The following SAMSN1 variants were observed in gnomAD, a reference collection of about 807,000 sequenced individuals.
The protein encoded by SAMSN1 is SAM domain-containing protein SAMSN-1.
Under a neutral mutation model 42.0 loss-of-function variants are expected in SAMSN1, and 31 were observed. That is an observed-to-expected ratio of 0.74 (90% CI 0.55 to 1.00). The LOEUF (loss-of-function observed/expected upper bound fraction) is 1.00. Among genes scored for constraint, SAMSN1 ranks in the 50% least tolerant of loss-of-function variants. The pLI, the probability that SAMSN1 is intolerant of heterozygous loss-of-function variation, is 0.00. For missense variants in SAMSN1, 464 were observed against 439.4 expected (o/e 1.06, Z -0.50); for synonymous variants, 178 against 151.9 (o/e 1.17, Z -1.26).
At chr21:14,515,278 A>C (rs913290974) in intron 3 of SAMSN1, among the ~76,000 whole-genome samples, 7 of 152,224 alleles carry the variant, frequency 4.6e-5, no homozygotes, top group Admixed American at 4.6e-4. Context: ...AGACATAAAA[A>C]TCAATAAAGT....
At chr21:14,655,477 C>T (rs1983901288) in intron 1 of SAMSN1, among the ~76,000 whole-genome samples, 1 of 151,718 alleles carries the variant, frequency 6.6e-6, no homozygotes, top group Non-Finnish European at 1.5e-5. Context: ...ACCTATAAAA[C>T]TACATTAAGA....
intron 1 of SAMSN1, among the ~76,000 whole-genome samples, chr21:14,525,821 T>C (rs73161217): frequency 0.037 from 5,567 of 152,256 alleles, 293 homozygotes; most frequent in African/African-American, 0.12. Flanking sequence ...TTCTATATAA[T>C]AGCTAAAATT....
intron 1 of SAMSN1, among the ~76,000 whole-genome samples, chr21:14,531,622 A>C (rs1489102979): frequency 1.3e-5 from 2 of 152,172 alleles, no homozygotes; most frequent in African/African-American, 4.8e-5. Flanking sequence ...TAGTTTCCTG[A>C]AATATTTCCT....
In SAMSN1 at chr21:14,594,223, C is replaced by T. The variant is rs528258303; in HGVS notation, c.400-145G>A. ...ATAATTATCTTGTTATCAAAGTACA[C>T]TGATTAATGTTTCATCAGTGACTTC... On this transcript the variant is annotated intron_variant, in intron 6 of 15. Coordinates refer to the SAMSN1 transcript ENST00000647101. The T allele has an allele frequency of 9.4e-5, 55 of 588,088 alleles. 1 individual carries two copies. In the Admixed American group the frequency reaches 1.2e-3, roughly 13 times the overall value. 36.4% of individuals were successfully genotyped at this position (588,088 alleles called of 1,614,324 possible).
At chr21:14,549,288 C>T (rs1320152407), upstream of SAMSN1, among the ~76,000 whole-genome samples, 1 of 152,120 alleles carries the variant, frequency 6.6e-6, no homozygotes, top group African/African-American at 2.4e-5. Flanking sequence ...CATCTCTCTG[C>T]CTTCTGCCAT....
At chr21:14,630,519 T>G in intron 2 of SAMSN1, among the ~76,000 whole-genome samples, 1 of 152,208 alleles carries the variant, frequency 6.6e-6, no homozygotes, top group East Asian at 1.9e-4. Flanking sequence ...TTTCATTTTA[T>G]TTTAACATAA....
chr21:14,576,002 T>C (rs1360542944), intron 2 of SAMSN1, among the ~76,000 whole-genome samples: 1 of 152,146 alleles, frequency 6.6e-6, no homozygotes, highest in African/African-American at 2.4e-5. Context: ...AATGAGGAAA[T>C]AGTATGAAGA....
rs753205582 is a variant in SAMSN1 at position 14,510,400 on chromosome 21, A to G, written c.471T>C (p.Asp157=). The G allele has an allele frequency of 6.2e-7, 1 of 1,614,226 alleles. No individual in the cohort carries two copies. Among genetic ancestry groups the G allele is most frequent in the East Asian group, 2.2e-5 (1 of 44,886 alleles). The change falls in exon 5 of 8, where the codon GAT becomes GAC. Residue 157 remains aspartate, a synonymous_variant. Transcript: ENST00000400566. ...SNRDSFRLDD[D]GPYSGPFCGR... is the part of the protein sequence containing the mutation. ...CACAGAATGGTCCTGAATAGGGGCC[A>G]TCGTCATCCAGTCGAAAGCTGTCCC...
At chr21:14,559,204 G>A (rs1980862443) in intron 2 of SAMSN1, among the ~76,000 whole-genome samples, 1 of 152,200 alleles carries the variant, frequency 6.6e-6, no homozygotes, top group Non-Finnish European at 1.5e-5. Flanking sequence ...GAAAAACATG[G>A]GCTTTTGTTT....
chr21:14,510,910 C>T (rs193252951), intron 4 of SAMSN1, among the ~76,000 whole-genome samples: 325 of 152,306 alleles, frequency 2.1e-3, no homozygotes, highest in African/African-American at 7.7e-3. Flanking sequence ...GAAAGTGTGT[C>T]TGAATATCTG....
intron 5 of SAMSN1, among the ~76,000 whole-genome samples, chr21:14,603,587 G>C (rs1982493112): frequency 6.6e-6 from 1 of 152,216 alleles, no homozygotes; most frequent in South Asian, 2.1e-4. Context: ...ATTAAGTGTA[G>C]AGATTGAGGC....
intron 1 of SAMSN1, among the ~76,000 whole-genome samples, chr21:14,540,982 G>C (rs545203418): frequency 4.7e-4 from 72 of 152,206 alleles, no homozygotes; most frequent in African/African-American, 1.6e-3. Context: ...TCCTTTGTAG[G>C]GACATGGATG....
intron 2 of SAMSN1, among the ~76,000 whole-genome samples, chr21:14,581,470 C>T (rs575098826): frequency 2.4e-4 from 35 of 143,674 alleles, no homozygotes; most frequent in African/African-American, 6.4e-4. Context: ...GCCATTCTTC[C>T]GCCTCAGCCT....
intron 2 of SAMSN1, among the ~76,000 whole-genome samples, chr21:14,574,027 A>G (rs1216903030): frequency 6.6e-6 from 1 of 152,184 alleles, no homozygotes; most frequent in East Asian, 1.9e-4. Flanking sequence ...AAGGCTCATT[A>G]TATGTTCTAA....
intron 7 of SAMSN1, among the ~76,000 whole-genome samples, chr21:14,494,793 A>G (rs920169906): frequency 6.6e-6 from 1 of 152,078 alleles, no homozygotes; most frequent in Non-Finnish European, 1.5e-5. Flanking sequence ...AGAAGAGAAA[A>G]GGAAAAATTC....
intron 2 of SAMSN1, among the ~76,000 whole-genome samples, chr21:14,625,279 G>A (rs62227243): frequency 0.013 from 1,913 of 152,130 alleles, 18 homozygotes; most frequent in Middle Eastern, 0.051. Context: ...TCTGGCCAGG[G>A]CAATCAAGCA....
chr21:14,654,033 G>C (rs955531524), intron 1 of SAMSN1, among the ~76,000 whole-genome samples: 1 of 151,898 alleles, frequency 6.6e-6, no homozygotes, highest in Non-Finnish European at 1.5e-5. Context: ...TAAAATGCAT[G>C]AGTTTGGATT....
At chr21:14,579,730 C>T (rs1981642339) in intron 2 of SAMSN1, among the ~76,000 whole-genome samples, 1 of 150,790 alleles carries the variant, frequency 6.6e-6, no homozygotes, top group Admixed American at 6.6e-5. Context: ...GATCCTCCCA[C>T]CTTGGCCTCC....
chr21:14,624,416 T>C (rs1035262433), intron 2 of SAMSN1, among the ~76,000 whole-genome samples: 2 of 151,904 alleles, frequency 1.3e-5, no homozygotes, highest in Non-Finnish European at 2.9e-5. Context: ...AAGAATAAAA[T>C]AGACACAATA....
Sources: gnomAD v4.1 joint callset for allele counts (sites outside exome capture counted in the v4.1 genomes callset) on GRCh38, gnomAD v4.1.1 for gene constraint, MANE v1.5 for transcripts, NCBI Gene and HGNC (gene_info 2026-07-23, HGNC 2026-07-21) for gene names.